OR14I1: variants seen among roughly 807,000 people sequenced by gnomAD.
OR14I1 encodes olfactory receptor family 14 subfamily I member 1.
For missense variants in OR14I1, 279 were observed against 181.8 expected (o/e 1.53, Z -3.07); for synonymous variants, 118 against 71.1 (o/e 1.66, Z -3.32).
At chr1:248,681,676 A>G (rs1406037862) in exon 1 of OR14I1, 2 of 781,106 alleles carry the variant, frequency 2.6e-6, no homozygotes, top group Non-Finnish European at 4.8e-6. Context: ...CATCATGAGA[A>G]TAAAGCATCC....
In OR14I1 at chr1:248,682,048, C is replaced by T. The variant is rs139712934; in HGVS notation, c.257G>A (p.Arg86His). Reference sequence around the variant, plus strand: ...GCCAAGATAAGAGATGGAGCTTCTGCGAGTCAGGGAGTTACGGATGGATTT... The same window carrying T: ...GCCAAGATAAGAGATGGAGCTTCTGTGAGTCAGGGAGTTACGGATGGATTT... The change falls in exon 1 of 1, where the codon CGC becomes CAC. Residue 86 changes from arginine to histidine, a missense_variant. By Grantham distance (29) the Arg-to-His change is conservative. Transcript: ENST00000342623. 2.4e-4 allele frequency: 191 copies of T among 780,968 alleles called. 2 individuals are homozygous for T. The highest frequency in any genetic ancestry group is 1.9e-3 in the South Asian group (139 of 74,608). The allele number at this position is 780,968 out of a possible 1,614,324, so 48.4% of individuals were successfully genotyped here.
downstream of OR14I1, among the ~76,000 whole-genome samples, chr1:248,678,926 T>C (rs566155775): frequency 1.7e-4 from 26 of 152,350 alleles, 1 homozygote; most frequent in South Asian, 3.9e-3. Flanking sequence ...GCTCAGAAGC[T>C]TGCAGAATTA....
At chr1:248,700,461 C>T in the OR14I1 span, among the ~76,000 whole-genome samples, 1 of 152,178 alleles carries the variant, frequency 6.6e-6, no homozygotes, top group African/African-American at 2.4e-5. Flanking sequence ...AATGGCTTTT[C>T]TTCTCAAAGG....
the OR14I1 span, among the ~76,000 whole-genome samples, chr1:248,690,324 C>T: frequency 6.6e-6 from 1 of 151,816 alleles, no homozygotes. Context: ...AATAGATAGA[C>T]CACCAAGCTA....
chr1:248,694,536 C>A, the OR14I1 span, among the ~76,000 whole-genome samples: 1 of 152,124 alleles, frequency 6.6e-6, no homozygotes. Flanking sequence ...AAATGCTCTA[C>A]ATCTTGTTTT....
exon 1 of OR14I1, chr1:248,682,296 A>C (rs1661582684): frequency 1.4e-6 from 1 of 739,380 alleles, no homozygotes; most frequent in Non-Finnish European, 2.5e-6. Flanking sequence ...CTTTTGTGAG[A>C]TTGTCCATTT....
At chr1:248,695,335 G>A in the OR14I1 span, among the ~76,000 whole-genome samples, 2 of 148,430 alleles carry the variant, frequency 1.3e-5, no homozygotes, top group African/African-American at 2.5e-5. Flanking sequence ...CCAGGTTCAC[G>A]TCATTCTCCT....
At chr1:248,701,942 G>A in the OR14I1 span, among the ~76,000 whole-genome samples, 1 of 152,092 alleles carries the variant, frequency 6.6e-6, no homozygotes, top group Non-Finnish European at 1.5e-5. Flanking sequence ...AGCATGGCTG[G>A]GGGGCCTCAG....
At chr1:248,685,700 T>C (rs559010986), upstream of OR14I1, among the ~76,000 whole-genome samples, 8 of 150,646 alleles carry the variant, frequency 5.3e-5, no homozygotes, top group African/African-American at 1.5e-4. Context: ...TGTATATATA[T>C]ACATATAAAT....
chr1:248,699,410 A>G, the OR14I1 span, among the ~76,000 whole-genome samples: 97 of 152,352 alleles, frequency 6.4e-4, no homozygotes, highest in African/African-American at 2.3e-3. Context: ...GGGTTTGATT[A>G]AGGAAAGATT....
chr1:248,701,948 C>T, the OR14I1 span, among the ~76,000 whole-genome samples: 1 of 152,088 alleles, frequency 6.6e-6, no homozygotes, highest in Non-Finnish European at 1.5e-5. Context: ...GCTGGGGGGC[C>T]TCAGGAAACT....
the OR14I1 span, among the ~76,000 whole-genome samples, chr1:248,702,682 A>G: frequency 3.9e-5 from 6 of 152,044 alleles, no homozygotes; most frequent in Admixed American, 6.5e-5. Flanking sequence ...CCTCTGCTCA[A>G]AATCCTCCAG....
the OR14I1 span, among the ~76,000 whole-genome samples, chr1:248,696,593 G>A: frequency 1.3e-5 from 2 of 152,120 alleles, no homozygotes; most frequent in Non-Finnish European, 2.9e-5. Context: ...TCTGCCACCC[G>A]TGACCTTTAC....
the OR14I1 span, among the ~76,000 whole-genome samples, chr1:248,693,371 G>C: frequency 0.055 from 8,392 of 152,170 alleles, 310 homozygotes; most frequent in Non-Finnish European, 0.083. Flanking sequence ...ATGAGAAAGA[G>C]AAGGGCAGAC....
At chr1:248,681,569 T>A in exon 1 of OR14I1, 1 of 780,974 alleles carries the variant, frequency 1.3e-6, no homozygotes, top group Non-Finnish European at 2.4e-6. Flanking sequence ...AAGAGCATGA[T>A]GACAATGAGC....
At chr1:248,684,420 T>C (rs1661609361), upstream of OR14I1, among the ~76,000 whole-genome samples, 1 of 152,198 alleles carries the variant, frequency 6.6e-6, no homozygotes, top group Non-Finnish European at 1.5e-5. Context: ...CAACTGGAAA[T>C]TTTGAACACA....
the OR14I1 span, among the ~76,000 whole-genome samples, chr1:248,694,753 T>C: frequency 6.6e-6 from 1 of 152,224 alleles, no homozygotes; most frequent in Non-Finnish European, 1.5e-5. Flanking sequence ...TACCTAGGAA[T>C]TGCTGGATAA....
the OR14I1 span, among the ~76,000 whole-genome samples, chr1:248,689,136 A>G: frequency 1.3e-5 from 2 of 152,224 alleles, no homozygotes; most frequent in Non-Finnish European, 2.9e-5. Context: ...AGCTACAAGG[A>G]GGTCTTCTCA....
the OR14I1 span, among the ~76,000 whole-genome samples, chr1:248,694,408 C>T: frequency 6.6e-6 from 1 of 152,190 alleles, no homozygotes; most frequent in African/African-American, 2.4e-5. Flanking sequence ...CAGCCCCCAA[C>T]ACAACTCCTG....
Sources: gnomAD v4.1 joint callset for allele counts (sites outside exome capture counted in the v4.1 genomes callset) on GRCh38, gnomAD v4.1.1 for gene constraint, MANE v1.5 for transcripts, NCBI Gene and HGNC (gene_info 2026-07-23, HGNC 2026-07-21) for gene names.